FNIP1: variants seen among roughly 807,000 people sequenced by gnomAD.
The protein encoded by FNIP1 is folliculin-interacting protein 1.
A neutral mutation model predicts 124.5 loss-of-function variants in FNIP1; 40 were observed. The ratio of observed to expected loss-of-function variants is 0.32; its 90% CI spans 0.25 to 0.42. The LOEUF is 0.42. FNIP1 is among the 10% of genes least tolerant of loss of function. FNIP1 has a pLI of 1.00. For synonymous variants in FNIP1, 472 were observed against 470.6 expected (o/e 1.00, Z -0.04); for missense variants, 1,176 against 1,403.7 (o/e 0.84, Z 2.59).
At chr5:131,733,121 C>T (rs562171810) in intron 2 of FNIP1, among the ~76,000 whole-genome samples, 95 of 152,170 alleles carry the variant, frequency 6.2e-4, no homozygotes, top group African/African-American at 2.0e-3. Flanking sequence ...CATGATTTGG[C>T]TCTCTGTTTG....
At chr5:131,767,360 C>T (rs1288972396) in intron 1 of FNIP1, among the ~76,000 whole-genome samples, 1 of 124,898 alleles carries the variant, frequency 8.0e-6, no homozygotes, top group Non-Finnish European at 1.6e-5. Context: ...ACCTGGGAGG[C>T]GGAGGCTGCA....
Position 131,704,215 on chromosome 5 carries a change from T to C in FNIP1, c.966A>G (p.Pro322=), listed in dbSNP as rs369267851. ...CAATCTTCTTTTTCCGCACAATTCC[T>C]GGGTTAGGGCCACAGCTTTCATCTG... ...NLSDESCGPN[P]GIVRKKKIAI... is the part of the protein sequence containing the mutation. Residue 322 remains proline, a synonymous_variant, in exon 10 of 18, where the codon CCA becomes CCG. Transcript: ENST00000510461. 18 of 1,613,648 alleles carry C rather than the reference T, an allele frequency of 1.1e-5. No individual in the cohort carries two copies. In the African/African-American group the frequency reaches 1.7e-4, roughly 16 times the overall value.
chr5:131,675,794 G>A (rs1223705393), intron 13 of FNIP1, among the ~76,000 whole-genome samples: 1 of 152,152 alleles, frequency 6.6e-6, no homozygotes, highest in Non-Finnish European at 1.5e-5. Context: ...ACTTTTGTAA[G>A]TGATGCAATA....
At chr5:131,761,371 A>C (rs1771225087) in intron 1 of FNIP1, among the ~76,000 whole-genome samples, 1 of 152,200 alleles carries the variant, frequency 6.6e-6, no homozygotes, top group Non-Finnish European at 1.5e-5. Flanking sequence ...CGTTTGGAAA[A>C]ACCTAAAGAC....
In FNIP1 at chr5:131,648,312, A is replaced by C. The variant is rs530033860; in HGVS notation, c.3307-1107T>G. Among the ~76,000 whole-genome samples, 462 of 149,028 alleles carry C rather than the reference A, an allele frequency of 3.1e-3. 2 individuals are homozygous for C. Among genetic ancestry groups the C allele is most frequent in the African/African-American group, 0.011 (431 of 40,776 alleles). Reference sequence around the variant, plus strand: ...TTCAGCCTGGGTGACAAAAGTTACAAAAAAAAAAAAACCTGAAACACATAC... The same window carrying C: ...TTCAGCCTGGGTGACAAAAGTTACACAAAAAAAAAAACCTGAAACACATAC... On this transcript the variant is annotated intron_variant, in intron 16 of 17. Transcript: ENST00000510461.
intron 1 of FNIP1, among the ~76,000 whole-genome samples, chr5:131,769,655 G>A (rs529622877): frequency 6.6e-6 from 1 of 152,310 alleles, no homozygotes; most frequent in East Asian, 1.9e-4. Flanking sequence ...TCCCAGCAAT[G>A]GAACCATGAG....
chr5:131,785,077 GACATATATATATGATATATATGACT>G (rs1379952447), intron 1 of FNIP1, among the ~76,000 whole-genome samples: 24 of 10,920 alleles, frequency 2.2e-3, no homozygotes, highest in African/African-American at 5.8e-3. Flanking sequence ...TGATATATAT[GACATATATATATGATATATATGACT>G]ATATATATAT....
chr5:131,767,444 A>G (rs1000527862), intron 1 of FNIP1, among the ~76,000 whole-genome samples: 19 of 150,346 alleles, frequency 1.3e-4, no homozygotes, highest in Admixed American at 9.3e-4. Context: ...AAAAAAAAAA[A>G]AAAAAAAAAA....
At chr5:131,698,673 C>A (rs1768787407) in intron 11 of FNIP1, among the ~76,000 whole-genome samples, 1 of 152,176 alleles carries the variant, frequency 6.6e-6, no homozygotes, top group African/African-American at 2.4e-5. Context: ...AAGGGTCTTT[C>A]CTGGTCATAT....
At chr5:131,764,000 G>T (rs2149573645) in intron 1 of FNIP1, among the ~76,000 whole-genome samples, 1 of 152,218 alleles carries the variant, frequency 6.6e-6, no homozygotes, top group East Asian at 1.9e-4. Context: ...CTCATGAATG[G>T]TTTAGCACCA....
Position 131,672,539 on chromosome 5 carries a change from G to A in FNIP1, c.1905C>T (p.Asn635=), listed in dbSNP as rs1358263940. 6.2e-7 allele frequency: 1 copy of A among 1,613,912 alleles called. No homozygotes were observed. The highest frequency in any genetic ancestry group is 1.7e-5 in the Admixed American group (1 of 60,012). The change falls in exon 14 of 18, where the codon AAC becomes AAT. Residue 635 remains asparagine, a synonymous_variant. Coordinates refer to ENST00000510461, the MANE Select transcript of FNIP1 (RefSeq NM_133372.3). ...AAATTCCTAGCAGCTCCTTAGAGCT[G>A]TTTTGAATATCTTCTCTCTCTTGTT... ...ISQQEREDIQ[N]SSKELLGISD...
In FNIP1 at chr5:131,721,814, GT is replaced by G. The variant is rs1048130786; in HGVS notation, c.355-2398del. On this transcript the variant is annotated intron_variant, in intron 3 of 17. Transcript: ENST00000510461. ...CTTCCTTGAAACATTATAATGTCTTGTTTCCAAAGAACCTCCTGATTAAAAA... is the reference window on the plus strand; with the variant it reads ...CTTCCTTGAAACATTATAATGTCTTGTTCCAAAGAACCTCCTGATTAAAAA... 6.1e-4 allele frequency among the ~76,000 whole-genome samples: 93 copies of G among 152,220 alleles called. 1 individual carries two copies. The highest frequency in any genetic ancestry group is 2.1e-3 in the African/African-American group (88 of 41,540).
intron 11 of FNIP1, among the ~76,000 whole-genome samples, chr5:131,693,187 C>T (rs1340644087): frequency 6.8e-6 from 1 of 146,334 alleles, no homozygotes; most frequent in Non-Finnish European, 1.5e-5. Flanking sequence ...CTTGATTTAG[C>T]CATTCCACAT....
intron 11 of FNIP1, among the ~76,000 whole-genome samples, chr5:131,697,772 C>G (rs1450469312): frequency 6.6e-6 from 1 of 151,464 alleles, no homozygotes; most frequent in Non-Finnish European, 1.5e-5. Flanking sequence ...TTGAGAACAG[C>G]CTGGCCAACA....
At chr5:131,667,684 A>T (rs1446068872) in intron 15 of FNIP1, among the ~76,000 whole-genome samples, 1 of 151,814 alleles carries the variant, frequency 6.6e-6, no homozygotes, top group South Asian at 2.1e-4. Context: ...TACCTCCTGG[A>T]TTCAAGTGAT....
At chr5:131,703,024 C>T (rs1355214441) in intron 10 of FNIP1, among the ~76,000 whole-genome samples, 1 of 152,198 alleles carries the variant, frequency 6.6e-6, no homozygotes, top group East Asian at 1.9e-4. Flanking sequence ...AAACTCCAGA[C>T]TCATAAAAAC....
chr5:131,796,236 T>C (rs1320170113), intron 1 of FNIP1: 1 of 152,324 alleles, frequency 6.6e-6, no homozygotes, highest in East Asian at 1.9e-4. Context: ...CATTTCTCCT[T>C]CGATAACATT....
chr5:131,755,840 C>T (rs1771033505), intron 1 of FNIP1, among the ~76,000 whole-genome samples: 1 of 152,000 alleles, frequency 6.6e-6, no homozygotes, highest in African/African-American at 2.4e-5. Context: ...GAACCCTCGT[C>T]TCTACTAAAA....
At chr5:131,791,577 G>T (rs907181449) in intron 1 of FNIP1, among the ~76,000 whole-genome samples, 60 of 152,256 alleles carry the variant, frequency 3.9e-4, no homozygotes, top group Middle Eastern at 3.4e-3. Flanking sequence ...TGCCTGGAGG[G>T]GCTTTTTAAA....
Sources: allele counts gnomAD v4.1 joint callset (sites outside exome capture counted in the v4.1 genomes callset), GRCh38; gene constraint gnomAD v4.1.1; transcripts MANE v1.5; gene names NCBI Gene and HGNC (gene_info 2026-07-23, HGNC 2026-07-21).